Variants in CDH7 observed in about 807,000 individuals in gnomAD.
The protein encoded by CDH7 is cadherin 7.
In CDH7, 25 loss-of-function variants were observed where a neutral mutation model predicts 71.8. That is an observed-to-expected ratio of 0.35 (90% confidence interval 0.25 to 0.49). The LOEUF is 0.49. CDH7 is among the 20% of genes least tolerant of loss of function. CDH7 has a pLI of 0.99. For missense variants in CDH7, 862 were observed against 974.6 expected (o/e 0.88, Z 1.54); for synonymous variants, 381 against 363.8 (o/e 1.05, Z -0.54).
chr18:65,882,155 A>G lies in CDH7; in HGVS notation c.*1261A>G, dbSNP rs1356281250. On this transcript the variant is annotated 3_prime_UTR_variant, in exon 12 of 12. Transcript: ENST00000397968. ...AAAATCCATCTTTAAATTCTGATGC[A>G]AATATGTCCCTCAAGAATTAACCAA... 1.3e-5 allele frequency: 2 copies of G among 152,172 alleles called. No homozygotes were observed. Among genetic ancestry groups the G allele is most frequent in the African/African-American group, 4.8e-5 (2 of 41,440 alleles). 9.4% of individuals were successfully genotyped at this position (152,172 alleles called of 1,614,324 possible). A position where few individuals can be genotyped will look rare whatever the true frequency, so the allele number is the denominator to read the frequency against.
intron 6 of CDH7, among the ~76,000 whole-genome samples, chr18:65,843,448 T>G (rs1033106016): frequency 6.6e-6 from 1 of 152,164 alleles, no homozygotes; most frequent in Admixed American, 6.6e-5. Context: ...ATTTTTAAAG[T>G]GCACCCTGGG....
chr18:65,750,927 G>A (rs868598483), upstream of CDH7: 11 of 152,370 alleles, frequency 7.2e-5, no homozygotes, highest in African/African-American at 2.6e-4. Context: ...GCCGGGGCAG[G>A]GTCCCCGCGC....
intron 1 of CDH7, among the ~76,000 whole-genome samples, chr18:65,756,385 T>C (rs577031338): frequency 6.6e-6 from 1 of 152,324 alleles, no homozygotes; most frequent in East Asian, 1.9e-4. Flanking sequence ...CTGACAGTCC[T>C]CAAATGTCAT....
At chr18:65,875,443 C>G (rs1396248747) in intron 11 of CDH7, among the ~76,000 whole-genome samples, 1 of 152,158 alleles carries the variant, frequency 6.6e-6, no homozygotes, top group East Asian at 1.9e-4. Flanking sequence ...CCAAAGATCA[C>G]AGTAAAGCTG....
intron 2 of CDH7, among the ~76,000 whole-genome samples, chr18:65,797,499 A>T (rs969135011): frequency 2.6e-5 from 4 of 152,268 alleles, no homozygotes; most frequent in African/African-American, 7.2e-5. Context: ...TGTTTTCCTC[A>T]TCTATTTCTA....
chr18:65,821,233 C>G (rs1911916470), intron 4 of CDH7, among the ~76,000 whole-genome samples: 1 of 151,792 alleles, frequency 6.6e-6, no homozygotes, highest in Non-Finnish European at 1.5e-5. Flanking sequence ...TCAATATTTG[C>G]TTTGTTGTAA....
In CDH7 at chr18:65,889,734, ATATAC is replaced by A. The variant is rs1364085993; in HGVS notation, c.*8845_*8849del. ...AAGCTAGAAGTACTATGGAGATTGT[ATATAC>A]TATATTAGACACTGTGCAAGAAGGA... On this transcript the variant is annotated 3_prime_UTR_variant, in exon 12 of 12. Transcript: ENST00000397968. 1 of 152,188 alleles carries A rather than the reference ATATAC, an allele frequency of 6.6e-6. No individual in the cohort carries two copies. The highest frequency in any genetic ancestry group is 1.5e-5 in the Non-Finnish European group (1 of 68,020). The allele number at this position is 152,188 out of a possible 1,614,324, so 9.4% of individuals were successfully genotyped here.
chr18:65,875,694 C>G (rs947640566), intron 11 of CDH7, among the ~76,000 whole-genome samples: 4 of 152,108 alleles, frequency 2.6e-5, no homozygotes, highest in African/African-American at 9.7e-5. Flanking sequence ...TCAAGACCAG[C>G]CTGGGCAAAC....
At chr18:65,781,850 CTT>C (rs1480652600) in intron 2 of CDH7, among the ~76,000 whole-genome samples, 1 of 91,070 alleles carries the variant, frequency 1.1e-5, no homozygotes, top group African/African-American at 6.7e-5. Context: ...TTCTTTCTTT[CTT>C]TCTTTCTTTC....
chr18:65,861,051 T>A (rs1247225410), intron 10 of CDH7, among the ~76,000 whole-genome samples: 1 of 152,210 alleles, frequency 6.6e-6, no homozygotes, highest in African/African-American at 2.4e-5. Context: ...ACAAGGAGAA[T>A]GTGAGTATAT....
chr18:65,819,852 TA>T (rs1911855448), intron 4 of CDH7, among the ~76,000 whole-genome samples: 1 of 151,164 alleles, frequency 6.6e-6, no homozygotes, highest in African/African-American at 2.4e-5. Context: ...AGCCCCTGGT[TA>T]TTAATCCTTG....
Position 65,879,476 on chromosome 18 carries a change from T to C in CDH7, c.1865-925T>C, listed in dbSNP as rs200921887. On this transcript the variant is annotated intron_variant, in intron 11 of 11. Coordinates refer to ENST00000397968, the MANE Select transcript of CDH7 (RefSeq NM_004361.5). The stretch of plus-strand genomic sequence containing the variant: ...TAAATTCCAAAATTCAACAATACTC[T>C]TTTTATTTCATTGTAGTTTAGTTGA... Among the ~76,000 whole-genome samples, 26 of 152,334 alleles carry C rather than the reference T, an allele frequency of 1.7e-4. No homozygotes were observed. In the East Asian group the frequency reaches 3.5e-3, roughly 20 times the overall value.
chr18:65,769,214 A>C (rs1283127750), intron 2 of CDH7, among the ~76,000 whole-genome samples: 2 of 152,172 alleles, frequency 1.3e-5, no homozygotes, highest in East Asian at 3.9e-4. Flanking sequence ...TACAATCTTC[A>C]AATCAAAGCA....
chr18:65,752,639 G>T lies in CDH7; in HGVS notation c.-197+1489G>T, dbSNP rs552078805. On this transcript the variant is annotated intron_variant, in intron 1 of 11. Transcript: ENST00000397968. Reference sequence around the variant, plus strand: ...GAACAGTATGAATTAAAATGCAAAAGAATTGAGACAGGTAGGAAGACTGGC... The same window carrying T: ...GAACAGTATGAATTAAAATGCAAAATAATTGAGACAGGTAGGAAGACTGGC... 1.1e-4 allele frequency among the ~76,000 whole-genome samples: 16 copies of T among 152,292 alleles called. No individual in the cohort carries two copies. The East Asian group carries it at 2.9e-3, about 28-fold the overall frequency.
intron 2 of CDH7, among the ~76,000 whole-genome samples, chr18:65,781,828 TTC>T (rs1568181526): frequency 1.2e-5 from 1 of 80,774 alleles, no homozygotes; most frequent in Non-Finnish European, 2.1e-5. Flanking sequence ...CCTTCTTTCT[TTC>T]TTTCTTTCTT....
In CDH7 at chr18:65,834,731, C is replaced by T. The variant is rs149641113; in HGVS notation, c.982-9081C>T. Reference sequence around the variant, plus strand: ...GATTAGAATAGTCAAGGAACTGGAGCTCTTGCTGAGTTCAAAGAAATTCCC... The same window carrying T: ...GATTAGAATAGTCAAGGAACTGGAGTTCTTGCTGAGTTCAAAGAAATTCCC... On this transcript the variant is annotated intron_variant, in intron 6 of 11. Coordinates refer to ENST00000397968, the MANE Select transcript of CDH7 (RefSeq NM_004361.5). Among the ~76,000 whole-genome samples the T allele has an allele frequency of 4.7e-4, 71 of 152,208 alleles. 1 individual carries two copies. The East Asian group carries it at 0.013, about 29-fold the overall frequency.
intron 2 of CDH7, among the ~76,000 whole-genome samples, chr18:65,786,793 C>T (rs1036803993): frequency 1.3e-5 from 2 of 152,080 alleles, no homozygotes; most frequent in Admixed American, 1.3e-4. Context: ...AAACAATCAT[C>T]CCACCTCAGC....
At chr18:65,753,142 A>G (rs1915931975) in intron 1 of CDH7, among the ~76,000 whole-genome samples, 1 of 152,196 alleles carries the variant, frequency 6.6e-6, no homozygotes, top group Non-Finnish European at 1.5e-5. Context: ...TCCTTGGCCT[A>G]AAAATCAAAT....
chr18:65,843,663 T>C (rs1460530740), intron 6 of CDH7, 149 bp from the exon 7 acceptor site: 7 of 611,076 alleles, frequency 1.1e-5, no homozygotes, highest in Non-Finnish European at 1.8e-5. Context: ...AGAAATCTGA[T>C]TGGCATTGTT....
Sources: gnomAD v4.1 joint callset for allele counts (sites outside exome capture counted in the v4.1 genomes callset) on GRCh38, gnomAD v4.1.1 for gene constraint, MANE v1.5 for transcripts, NCBI Gene and HGNC (gene_info 2026-07-23, HGNC 2026-07-21) for gene names.